AGPAT3: variants seen among roughly 807,000 people sequenced by gnomAD.
AGPAT3 encodes the protein 1-acyl-sn-glycerol-3-phosphate acyltransferase gamma.
A neutral mutation model predicts 47.3 loss-of-function variants in AGPAT3; 5 were observed. The ratio of observed to expected loss-of-function variants is 0.11; its 90% CI spans 0.06 to 0.22. AGPAT3 has a LOEUF of 0.22. Among genes scored for constraint, AGPAT3 ranks in the 10% least tolerant of loss-of-function variants. The pLI is 1.00. For missense variants in AGPAT3, 315 were observed against 493.0 expected, an observed-to-expected ratio of 0.64 and a Z score of 3.42; for synonymous variants, 212 against 208.3, an observed-to-expected ratio of 1.02 and a Z score of -0.15.
rs965146501 is a variant in AGPAT3, at chr21:43,934,726, GCA to G, written c.-48-24905_-48-24904del. Among the ~76,000 whole-genome samples the G allele has an allele frequency of 2.6e-5, 4 of 152,204 alleles. No homozygotes were observed. The highest frequency in any genetic ancestry group is 9.6e-5 in the African/African-American group (4 of 41,510). ...ACGTGCCCATGGTGGAGGAGCCACA[GCA>G]CAAAGCAAGCCACGCCATGCCACCC... is the stretch of plus-strand genomic sequence containing the variant. On this transcript the variant is annotated intron_variant, in intron 2 of 9. Transcript: ENST00000291572. The surrounding 1 kb of genome is among the most constrained non-coding windows in gnomAD (Gnocchi z 4.7).
At chr21:43,962,714 G>A (rs2088934853) in intron 3 of AGPAT3, among the ~76,000 whole-genome samples, 1 of 152,220 alleles carries the variant, frequency 6.6e-6, no homozygotes. Flanking sequence ...CAGGACTCTT[G>A]AGCGAGGGCG....
At chr21:43,971,536 T>A in intron 7 of AGPAT3, 46 bp downstream of exon 7, 1 of 1,587,566 alleles carries the variant, frequency 6.3e-7, no homozygotes, top group African/African-American at 1.3e-5. Flanking sequence ...CATACCTTCA[T>A]GAGCTTGCGC....
intron 2 of AGPAT3, among the ~76,000 whole-genome samples, chr21:43,929,006 A>G (rs2087148863): frequency 6.6e-6 from 1 of 152,206 alleles, no homozygotes; most frequent in Admixed American, 6.5e-5. Flanking sequence ...ACAATTCAGG[A>G]AGCAGAGTGT....
intron 2 of AGPAT3, among the ~76,000 whole-genome samples, chr21:43,905,753 C>G (rs777198439): frequency 9.9e-5 from 15 of 152,240 alleles, no homozygotes; most frequent in Non-Finnish European, 1.9e-4. Context: ...CCCCCCAGTT[C>G]AGCTCTCACT....
Position 43,981,290 on chromosome 21 carries a change from G to A in AGPAT3, c.1042+103G>A, listed in dbSNP as rs1464048912. ...TCATCACAGTGGCTGTGGGAGGCAGGGGCCTGGCTGTTATGGACCCTGGAG... is the reference window on the plus strand; with the variant it reads ...TCATCACAGTGGCTGTGGGAGGCAGAGGCCTGGCTGTTATGGACCCTGGAG... On this transcript the variant is annotated intron_variant, in intron 9 of 9. Transcript: ENST00000291572. This position sits in a 1 kb window ranked among gnomAD's most constrained non-coding sequence, Gnocchi z 5.3. 8 of 1,299,108 alleles carry A rather than the reference G, an allele frequency of 6.2e-6. No individual in the cohort carries two copies. In the South Asian group the frequency reaches 6.2e-5, roughly 10 times the overall value. 80.5% of individuals were successfully genotyped at this position (1,299,108 alleles called of 1,614,324 possible). A position where few individuals can be genotyped will look rare whatever the true frequency, so the allele number is the denominator to read the frequency against.
In AGPAT3 at chr21:43,934,833, T is replaced by C. The variant is rs1279213726; in HGVS notation, c.-48-24801T>C. Among the ~76,000 whole-genome samples the C allele has an allele frequency of 1.4e-5, 2 of 140,864 alleles. No individual in the cohort carries two copies. Among genetic ancestry groups the C allele is most frequent in the African/African-American group, 5.5e-5 (2 of 36,400 alleles). 92.4% of individuals were successfully genotyped at this position (140,864 alleles called of 152,430 possible). ...ACCCACACCACCTCTACCCCTCACG[T>C]CACCGACGCCACTCACATGCCACTC... On this transcript the variant is annotated intron_variant, in intron 2 of 9. Coordinates refer to ENST00000291572, the MANE Select transcript of AGPAT3 (RefSeq NM_020132.5). This position sits in a 1 kb window ranked among gnomAD's most constrained non-coding sequence, Gnocchi z 4.7.
In AGPAT3 at chr21:43,930,673, T is replaced by C. The variant is rs1277638921; in HGVS notation, c.-49+26654T>C. ...GGATGAGGGGAAGGCGGGGATGAGG[T>C]GGGGGTGCACACCTGGGCTGAGGGG... On this transcript the variant is annotated intron_variant, in intron 2 of 9. Coordinates refer to ENST00000291572, the MANE Select transcript of AGPAT3 (RefSeq NM_020132.5). This position sits in a 1 kb window ranked among gnomAD's most constrained non-coding sequence, Gnocchi z 5.0. Among the ~76,000 whole-genome samples the C allele has an allele frequency of 6.7e-6, 1 of 149,698 alleles. No individual in the cohort carries two copies. Among genetic ancestry groups the C allele is most frequent in the Non-Finnish European group, 1.5e-5 (1 of 67,316 alleles).
chr21:43,899,477 C>T (rs2086301971), intron 1 of AGPAT3, among the ~76,000 whole-genome samples: 1 of 152,342 alleles, frequency 6.6e-6, no homozygotes, highest in Middle Eastern at 3.4e-3. Context: ...CGGGGATGTG[C>T]ACCCAGAGCC....
intron 8 of AGPAT3, 107 bp from the exon 9 acceptor site, chr21:43,980,882 C>A: frequency 8.8e-7 from 1 of 1,133,168 alleles, no homozygotes. Context: ...TGACGTGGCG[C>A]TTTTTTTAGG....
chr21:43,894,266 A>G (rs979534166), intron 1 of AGPAT3, among the ~76,000 whole-genome samples: 1 of 150,376 alleles, frequency 6.6e-6, no homozygotes, highest in African/African-American at 2.4e-5. Flanking sequence ...GAAGATTGGA[A>G]TCCCTACACC....
At chr21:43,883,086 G>A (rs966793743) in intron 1 of AGPAT3, among the ~76,000 whole-genome samples, 4 of 152,226 alleles carry the variant, frequency 2.6e-5, no homozygotes, top group African/African-American at 7.2e-5. Flanking sequence ...AATTGCTGGA[G>A]ACTGTGAAGC....
chr21:43,894,707 A>G (rs1258283434), intron 1 of AGPAT3, among the ~76,000 whole-genome samples: 1 of 152,184 alleles, frequency 6.6e-6, no homozygotes, highest in African/African-American at 2.4e-5. Flanking sequence ...TATACCCACT[A>G]ATCAACCTCT....
intron 7 of AGPAT3, among the ~76,000 whole-genome samples, chr21:43,974,761 G>A (rs995144428): frequency 6.6e-6 from 1 of 152,124 alleles, no homozygotes; most frequent in African/African-American, 2.4e-5. Flanking sequence ...GGGGCTGTGT[G>A]TGTCAGGGAC....
chr21:43,867,005 C>G (rs2085522567), intron 1 of AGPAT3: 1 of 152,296 alleles, frequency 6.6e-6, no homozygotes, highest in Admixed American at 6.5e-5. Flanking sequence ...AGACTCCACG[C>G]TGGGGAGCTA....
At chr21:43,974,888 T>C (rs1032072549) in intron 7 of AGPAT3, among the ~76,000 whole-genome samples, 1 of 152,228 alleles carries the variant, frequency 6.6e-6, no homozygotes, top group African/African-American at 2.4e-5. Context: ...CCATGCCAGT[T>C]GAACCTGGGG....
intron 1 of AGPAT3, among the ~76,000 whole-genome samples, chr21:43,873,653 CAGGCGTG>C (rs755290918): frequency 1.7e-4 from 26 of 152,226 alleles, no homozygotes; most frequent in Admixed American, 8.5e-4. Context: ...GCTGGGATTA[CAGGCGTG>C]AGCCACTGCG....
chr21:43,958,276 G>A (rs1224704402), intron 2 of AGPAT3, among the ~76,000 whole-genome samples: 1 of 151,758 alleles, frequency 6.6e-6, no homozygotes, highest in Non-Finnish European at 1.5e-5. Flanking sequence ...TATAGTGCTT[G>A]TTGTGTGTGT....
At chr21:43,958,974 GGCAT>G (rs2088654748) in intron 2 of AGPAT3, among the ~76,000 whole-genome samples, 1 of 147,632 alleles carries the variant, frequency 6.8e-6, no homozygotes, top group East Asian at 2.1e-4. Flanking sequence ...CGGTGTGTGT[GGCAT>G]GTGTGTGGTT....
intron 1 of AGPAT3, among the ~76,000 whole-genome samples, chr21:43,897,877 G>C (rs970982202): frequency 6.6e-6 from 1 of 152,232 alleles, no homozygotes; most frequent in Non-Finnish European, 1.5e-5. Flanking sequence ...GCGAGACTCC[G>C]TCTGCAATCC....
Sources: gnomAD v4.1 joint callset for allele counts (sites outside exome capture counted in the v4.1 genomes callset) on GRCh38, gnomAD v4.1.1 for gene constraint, Gnocchi (gnomAD v3.1) non-coding constraint, MANE v1.5 for transcripts, NCBI Gene and HGNC (gene_info 2026-07-23, HGNC 2026-07-21) for gene names.